GRIN3B: variants seen among roughly 807,000 people sequenced by gnomAD.
The protein encoded by GRIN3B is glutamate ionotropic receptor NMDA type subunit 3B.
GRIN3B carries 77 observed loss-of-function variants against 66.0 expected under a neutral mutation model. That is an observed-to-expected ratio of 1.17 (90% CI 0.97 to 1.41). GRIN3B has a LOEUF of 1.41. Among genes scored for constraint, GRIN3B ranks in the 40% most tolerant of loss-of-function variants. The pLI is 0.00. For synonymous variants in GRIN3B, 823 were observed against 749.7 expected, an observed-to-expected ratio of 1.10 and a Z score of -1.60; for missense variants, 1,787 against 1,564.5, an observed-to-expected ratio of 1.14 and a Z score of -2.40.
intron 6 of GRIN3B, 138 bp from the exon 7 acceptor site, chr19:1,008,480 C>T: frequency 9.1e-7 from 1 of 1,099,846 alleles, no homozygotes; most frequent in Non-Finnish European, 1.3e-6. Context: ...TCCCCCCAGC[C>T]ATGGAGTCCC....
At position 1,008,883 on chromosome 19, in the gene GRIN3B, G is replaced by T. The variant is rs987179785; in HGVS notation, c.2658G>T (p.Glu886Asp). 6.2e-7 allele frequency: 1 copy of T among 1,610,770 alleles called. No homozygotes were observed. Among genetic ancestry groups the T allele is most frequent in the Non-Finnish European group, 8.5e-7 (1 of 1,178,870 alleles). The change falls in exon 8 of 9, where the codon GAG becomes GAT. Residue 886 changes from glutamate (E) to aspartate (D), a missense_variant. Glu to Asp is a conservative substitution (Grantham distance 45, BLOSUM62 2). Coordinates refer to ENST00000234389, the MANE Select transcript of GRIN3B (RefSeq NM_138690.3). ...AAATCCACCGCGCCCTCAACACGGA[G>T]CCACCAGAGGGGTCGAAGGAGGAGA... The part of the protein sequence containing the change: ...SQKIHRALNT[E>D]PPEGSKEETA...
At position 1,007,946 on chromosome 19, in the gene GRIN3B, C is replaced by G. The variant is rs200147344; in HGVS notation, c.2289C>G (p.Thr763=). The change falls in exon 5 of 9, where the codon ACC becomes ACG. Residue 763 remains threonine, a synonymous_variant. Coordinates refer to ENST00000234389, the MANE Select transcript of GRIN3B (RefSeq NM_138690.3). This position sits in a 1 kb window ranked among gnomAD's most constrained non-coding sequence, Gnocchi z 4.4. The part of the protein sequence containing the change: ...VSIDADCKLL[T]VGKPFAIEGY... ...TCGACGCCGACTGCAAACTGCTGAC[C>G]GTGGGAAAGCCCTTCGCCATTGAGG... 41 of 1,612,002 alleles carry G rather than the reference C, an allele frequency of 2.5e-5. No individual in the cohort carries two copies. The highest frequency in any genetic ancestry group is 3.5e-5 in the Non-Finnish European group (41 of 1,179,660).
In GRIN3B at chr19:1,007,753, C is replaced by G. The variant is rs1332806619; in HGVS notation, c.2178C>G (p.Pro726=). The part of the protein sequence containing the change: ...HMRRHSAPTT[P]RGVAMLTSDP... ...GGCGCCACAGCGCGCCCACCACGCC[C>G]CGCGGCGTCGCCATGCTCACGTGAG... is the stretch of plus-strand genomic sequence containing the variant. The change falls in exon 4 of 9, where the codon CCC becomes CCG. Residue 726 remains proline (P), a synonymous_variant. Coordinates refer to ENST00000234389, the MANE Select transcript of GRIN3B (RefSeq NM_138690.3). This position sits in a 1 kb window ranked among gnomAD's most constrained non-coding sequence, Gnocchi z 4.4. 3 of 1,517,758 alleles carry G rather than the reference C, an allele frequency of 2.0e-6. No individual in the cohort carries two copies. In the Admixed American group the frequency reaches 6.4e-5, roughly 32 times the overall value. 94.0% of individuals were successfully genotyped at this position (1,517,758 alleles called of 1,614,324 possible).
chr19:1,003,797 C>T, intron 2 of GRIN3B, 75 bp downstream of exon 2: 1 of 1,168,032 alleles, frequency 8.6e-7, no homozygotes, highest in Non-Finnish European at 1.1e-6. Flanking sequence ...TCACAAAAGG[C>T]AACGTGAGGC....
At position 1,009,663 on chromosome 19, in the gene GRIN3B, A is replaced by G; in HGVS notation, c.*61A>G. 1 of 1,275,238 alleles carries G rather than the reference A, an allele frequency of 7.8e-7. No individual in the cohort carries two copies. Among genetic ancestry groups the G allele is most frequent in the South Asian group, 1.8e-5 (1 of 55,266 alleles). 79.0% of individuals were successfully genotyped at this position (1,275,238 alleles called of 1,614,324 possible). A position where few individuals can be genotyped will look rare whatever the true frequency, so the allele number is the denominator to read the frequency against. ...CACAGCGCAGTGAGCCGCTGTCAACAGACAGTTTATTCTATATACAAACAC... is the reference window on the plus strand; with the variant it reads ...CACAGCGCAGTGAGCCGCTGTCAACGGACAGTTTATTCTATATACAAACAC... On this transcript the variant is annotated 3_prime_UTR_variant, in exon 9 of 9. Transcript: ENST00000234389.
In GRIN3B at chr19:1,008,858, A is replaced by G; in HGVS notation, c.2633A>G (p.Lys878Arg). The change falls in exon 8 of 9, where the codon AAA becomes AGA. Residue 878 changes from lysine (K) to arginine (R), a missense_variant and splice_region_variant. Lys to Arg is a conservative substitution (Grantham distance 26). Coordinates refer to ENST00000234389, the MANE Select transcript of GRIN3B (RefSeq NM_138690.3). ...RLQYWLHTSQ[K>R]IHRALNTEPP... ...AACCGGGTCTGTCTGGGGTCTTAGAAAATCCACCGCGCCCTCAACACGGAG... is the reference window on the plus strand; with the variant it reads ...AACCGGGTCTGTCTGGGGTCTTAGAGAATCCACCGCGCCCTCAACACGGAG... 1 of 1,607,838 alleles carries G rather than the reference A, an allele frequency of 6.2e-7. No homozygotes were observed.
rs1334636660 is a variant in GRIN3B at position 1,000,774 on chromosome 19, C to A, written c.337C>A (p.Leu113Met). ...LLAFPEARPE[L>M]LQLHFLAAAT... is the part of the protein sequence containing the mutation. ...CGCCTTTCCCGAGGCTCGGCCCGAG[C>A]TGCTGCAGCTGCACTTCCTGGCGGC... The change falls in exon 1 of 9, where the codon CTG becomes ATG. Residue 113 changes from leucine to methionine, a missense_variant. Physicochemically the swap from Leu to Met is conservative, Grantham distance 15 (BLOSUM62 2). Coordinates refer to ENST00000234389, the MANE Select transcript of GRIN3B (RefSeq NM_138690.3). 4 of 1,447,810 alleles carry A rather than the reference C, an allele frequency of 2.8e-6. No homozygotes were observed. The highest frequency in any genetic ancestry group is 3.6e-6 in the Non-Finnish European group (4 of 1,106,782). The allele number at this position is 1,447,810 out of a possible 1,614,324, so 89.7% of individuals were successfully genotyped here. A position where few individuals can be genotyped will look rare whatever the true frequency, so the allele number is the denominator to read the frequency against.
chr19:1,008,815 C>A, intron 7 of GRIN3B, 33 bp downstream of exon 7: 2 of 1,587,178 alleles, frequency 1.3e-6, no homozygotes, highest in South Asian at 1.1e-5. Context: ...GCGGCCCCAC[C>A]CCCCCCGCCT....
At position 1,008,837 on chromosome 19, in the gene GRIN3B, G is replaced by T. The variant is rs747885845; in HGVS notation, c.2632-20G>T. On this transcript the variant is annotated intron_variant, in intron 7 of 8. Coordinates refer to ENST00000234389, the MANE Select transcript of GRIN3B (RefSeq NM_138690.3). Reference sequence around the variant, plus strand: ...CACCCCCCCCGCCTCCTCGCCAACCGGGTCTGTCTGGGGTCTTAGAAAATC... The same window carrying T: ...CACCCCCCCCGCCTCCTCGCCAACCTGGTCTGTCTGGGGTCTTAGAAAATC... The T allele has an allele frequency of 8.8e-6, 13 of 1,476,026 alleles. No homozygotes were observed. The highest frequency in any genetic ancestry group is 1.2e-5 in the Non-Finnish European group (13 of 1,083,120). 91.4% of individuals were successfully genotyped at this position (1,476,026 alleles called of 1,614,324 possible).
chr19:1,007,886 C>G lies in GRIN3B; in HGVS notation c.2229C>G (p.Ile743Met), dbSNP rs1400094333. ...TSDPPKLNAF[I>M]MDKSLLDYEV... is the part of the protein sequence containing the mutation. ...ACCCCCCCAAGCTCAACGCCTTCAT[C>G]ATGGACAAGTCGCTCCTGGACTACG... The change falls in exon 5 of 9, where the codon ATC becomes ATG. Residue 743 changes from isoleucine (I) to methionine (M), a missense_variant. Physicochemically the swap from Ile to Met is conservative, Grantham distance 10. Coordinates refer to ENST00000234389, the MANE Select transcript of GRIN3B (RefSeq NM_138690.3). The surrounding 1 kb of genome is among the most constrained non-coding windows in gnomAD (Gnocchi z 4.4). The G allele has an allele frequency of 6.2e-7, 1 of 1,611,714 alleles. No homozygotes were observed. Among genetic ancestry groups the G allele is most frequent in the East Asian group, 2.2e-5 (1 of 44,850 alleles).
intron 2 of GRIN3B, 58 bp from the exon 3 acceptor site, chr19:1,004,463 T>C: frequency 7.0e-7 from 1 of 1,430,736 alleles, no homozygotes; most frequent in South Asian, 1.2e-5. Context: ...TGGGCAGGGG[T>C]GAGAGGATGG....
intron 1 of GRIN3B, 57 bp from the exon 2 acceptor site, chr19:1,003,073 G>C: frequency 8.0e-7 from 1 of 1,255,340 alleles, no homozygotes; most frequent in Non-Finnish European, 1.1e-6. Context: ...GCTGGGGTGG[G>C]AAGGGTTTTG....
Position 1,003,323 on chromosome 19 carries a change from G to T in GRIN3B, c.620G>T (p.Arg207Leu). The T allele has an allele frequency of 6.4e-7, 1 of 1,573,278 alleles. No individual in the cohort carries two copies. Among genetic ancestry groups the T allele is most frequent in the Non-Finnish European group, 8.6e-7 (1 of 1,162,194 alleles). ...CCACAGCTGGTCCTGGACCTAAGCC[G>T]GCGGGACACGGGAGATGCAGGACTG... is the stretch of plus-strand genomic sequence containing the variant. ...RPPQLVLDLS[R>L]RDTGDAGLRA... Residue 207 changes from arginine (R) to leucine (L), a missense_variant, in exon 2 of 9, where the codon CGG becomes CTG. Physicochemically the swap from Arg to Leu is moderately radical, Grantham distance 102. Coordinates refer to ENST00000234389, the MANE Select transcript of GRIN3B (RefSeq NM_138690.3).
At position 1,007,333 on chromosome 19, in the gene GRIN3B, GTCCAGC is replaced by G. The variant is rs1378214092; in HGVS notation, c.2053-294_2053-289del. On this transcript the variant is annotated intron_variant, in intron 3 of 8. Transcript: ENST00000234389. The surrounding 1 kb of genome is among the most constrained non-coding windows in gnomAD (Gnocchi z 4.4). The stretch of plus-strand genomic sequence containing the variant: ...AGGCAGAGGAGGTGGTGGGATAGGC[GTCCAGC>G]CCAGGGCGAGGTCCAGGTGGAGATG... Among the ~76,000 whole-genome samples the G allele has an allele frequency of 2.0e-5, 3 of 152,014 alleles. No homozygotes were observed. Among genetic ancestry groups the G allele is most frequent in the African/African-American group, 7.3e-5 (3 of 41,368 alleles).
chr19:1,002,423 G>A (rs1417778210), intron 1 of GRIN3B, among the ~76,000 whole-genome samples: 2 of 134,734 alleles, frequency 1.5e-5, no homozygotes, highest in African/African-American at 5.6e-5. Context: ...CTGAGATCAC[G>A]CCATTGCACT....
In GRIN3B at chr19:1,009,639, A is replaced by G; in HGVS notation, c.*37A>G. On this transcript the variant is annotated 3_prime_UTR_variant, in exon 9 of 9. Transcript: ENST00000234389. ...GGCCGTTTGGGCTCAAGACACACAC[A>G]CAGCGCAGTGAGCCGCTGTCAACAG... 7.3e-7 allele frequency: 1 copy of G among 1,368,502 alleles called. No individual in the cohort carries two copies. The allele number at this position is 1,368,502 out of a possible 1,614,324, so 84.8% of individuals were successfully genotyped here.
In GRIN3B at chr19:1,000,785, G is replaced by T; in HGVS notation, c.348G>T (p.Leu116=). The part of the protein sequence containing the change: ...FPEARPELLQ[L]HFLAAATETP... Reference sequence around the variant, plus strand: ...AGGCTCGGCCCGAGCTGCTGCAGCTGCACTTCCTGGCGGCGGCCACCGAGA... The same window carrying T: ...AGGCTCGGCCCGAGCTGCTGCAGCTTCACTTCCTGGCGGCGGCCACCGAGA... Residue 116 remains leucine, a synonymous_variant, in exon 1 of 9, where the codon CTG becomes CTT. Coordinates refer to ENST00000234389, the MANE Select transcript of GRIN3B (RefSeq NM_138690.3). 6.9e-7 allele frequency: 1 copy of T among 1,444,794 alleles called. No homozygotes were observed. Among genetic ancestry groups the T allele is most frequent in the Non-Finnish European group, 9.0e-7 (1 of 1,107,230 alleles). The allele number at this position is 1,444,794 out of a possible 1,614,324, so 89.5% of individuals were successfully genotyped here.
intron 7 of GRIN3B, 31 bp downstream of exon 7, chr19:1,008,813 A>ACCCCC: frequency 2.0e-6 from 3 of 1,475,858 alleles, no homozygotes; most frequent in Non-Finnish European, 2.8e-6. Flanking sequence ...GGGCGGCCCC[A>ACCCCC]CCCCCCCCGC....
rs1341304749 is a variant in GRIN3B at position 1,000,771 on chromosome 19, G to A, written c.334G>A (p.Glu112Lys). 14 of 1,448,922 alleles carry A rather than the reference G, an allele frequency of 9.7e-6. No homozygotes were observed. The highest frequency in any genetic ancestry group is 1.3e-5 in the Non-Finnish European group (14 of 1,106,848). 89.8% of individuals were successfully genotyped at this position (1,448,922 alleles called of 1,614,324 possible). Residue 112 changes from glutamate to lysine, a missense_variant, in exon 1 of 9, where the codon GAG (glutamate) becomes AAG (lysine). Glu to Lys is a moderately conservative substitution (Grantham distance 56). Transcript: ENST00000234389. Reference sequence around the variant, plus strand: ...GCTCGCCTTTCCCGAGGCTCGGCCCGAGCTGCTGCAGCTGCACTTCCTGGC... The same window carrying A: ...GCTCGCCTTTCCCGAGGCTCGGCCCAAGCTGCTGCAGCTGCACTTCCTGGC... ...ALLAFPEARPELLQLHFLAAA... is the reference protein window; with the variant it reads ...ALLAFPEARPKLLQLHFLAAA...
Sources: allele counts gnomAD v4.1 joint callset (sites outside exome capture counted in the v4.1 genomes callset), GRCh38; gene constraint gnomAD v4.1.1; non-coding constraint Gnocchi (gnomAD v3.1); transcripts MANE v1.5; gene names NCBI Gene and HGNC (gene_info 2026-07-23, HGNC 2026-07-21).